Variants in LMBRD2 observed in about 807,000 individuals in gnomAD.
LMBRD2 encodes LMBR1 domain containing 2, also known as G protein-coupled receptor-associated protein LMBRD2.
In LMBRD2, 55 loss-of-function variants were observed where a neutral mutation model predicts 94.4. That is an observed-to-expected ratio of 0.58 (90% CI 0.47 to 0.73). LMBRD2 has a LOEUF of 0.73. Ranked by LOEUF, LMBRD2 falls within the 30% of genes least tolerant of loss-of-function variation. The pLI is 0.00. For missense variants in LMBRD2, 640 were observed against 831.9 expected (o/e 0.77, Z 2.84); for synonymous variants, 246 against 272.4 (o/e 0.90, Z 0.95).
intron 9 of LMBRD2, among the ~76,000 whole-genome samples, chr5:36,119,173 C>T (rs1031822350): frequency 2.0e-5 from 3 of 152,234 alleles, no homozygotes; most frequent in African/African-American, 2.4e-5. Context: ...AATGATTCCC[C>T]TTTCAATACC....
chr5:36,116,915 C>G (rs1743761686), intron 10 of LMBRD2, among the ~76,000 whole-genome samples: 1 of 151,998 alleles, frequency 6.6e-6, no homozygotes, highest in African/African-American at 2.4e-5. Context: ...ATCTCATGAT[C>G]CATTCGCCTT....
rs1561509281 is a variant in LMBRD2, at chr5:36,103,764, T to G, written c.*282A>C. The G allele has an allele frequency of 9.5e-6, 2 of 211,484 alleles. No homozygotes were observed. Among genetic ancestry groups the G allele is most frequent in the Non-Finnish European group, 1.9e-5 (2 of 105,298 alleles). 13.1% of individuals were successfully genotyped at this position (211,484 alleles called of 1,614,324 possible). A position where few individuals can be genotyped will look rare whatever the true frequency, so the allele number is the denominator to read the frequency against. On this transcript the variant is annotated 3_prime_UTR_variant, in exon 18 of 18. Transcript: ENST00000296603. ...AATCTGAAACAAACTGAACTGCATGTTCTTAACATATGTTGATCTTTCTTA... is the reference window on the plus strand; with the variant it reads ...AATCTGAAACAAACTGAACTGCATGGTCTTAACATATGTTGATCTTTCTTA...
rs1469909733 is a variant in LMBRD2 at position 36,114,511 on chromosome 5, G to C, written c.1553C>G (p.Ser518Cys). 6.5e-7 allele frequency: 1 copy of C among 1,550,110 alleles called. No homozygotes were observed. Residue 518 changes from serine to cysteine, a missense_variant, in exon 13 of 18, where the codon TCC (serine) becomes TGC (cysteine). Transcript: ENST00000296603. ...TGCAATAAAGGATAAAACTTTCATG[G>C]AACCCATAATCTGAAGAGCAAGAAA... Reference protein sequence around the residue: ...QPTAYTSIMGSMKVLSFIADG... With the variant: ...QPTAYTSIMGCMKVLSFIADG...
At chr5:36,138,059 C>T (rs1188553884) in intron 4 of LMBRD2, among the ~76,000 whole-genome samples, 3 of 152,042 alleles carry the variant, frequency 2.0e-5, no homozygotes, top group Admixed American at 2.0e-4. Context: ...AGGTAGAGAA[C>T]AGAAGGAGGG....
rs980042030 is a variant in LMBRD2 at position 36,102,207 on chromosome 5, A to T, written c.*1839T>A. The T allele has an allele frequency of 1.3e-5, 2 of 151,932 alleles. No homozygotes were observed. The highest frequency in any genetic ancestry group is 2.9e-5 in the Non-Finnish European group (2 of 67,840). 9.4% of individuals were successfully genotyped at this position (151,932 alleles called of 1,614,324 possible). A position where few individuals can be genotyped will look rare whatever the true frequency, so the allele number is the denominator to read the frequency against. On this transcript the variant is annotated 3_prime_UTR_variant, in exon 18 of 18. Transcript: ENST00000296603. ...ATACCTTCAAGTATCACTAGGAAAA[A>T]TAGCACAGTTATAAACTCCAGTACA...
Position 36,151,847 on chromosome 5 carries a change from G to A in LMBRD2, c.-349C>T. Reference sequence around the variant, plus strand: ...AGAAGGCCTGCGGGCTCCCGAGAAAGGAAAATCCGTCTACAGTCCAGCGGC... The same window carrying A: ...AGAAGGCCTGCGGGCTCCCGAGAAAAGAAAATCCGTCTACAGTCCAGCGGC... On this transcript the variant is annotated 5_prime_UTR_variant, in exon 1 of 18. Coordinates refer to ENST00000296603, the MANE Select transcript of LMBRD2 (RefSeq NM_001007527.2). This position sits in a 1 kb window ranked among gnomAD's most constrained non-coding sequence, Gnocchi z 4.7. 1 of 210,336 alleles carries A rather than the reference G, an allele frequency of 4.8e-6. No homozygotes were observed. The highest frequency in any genetic ancestry group is 7.3e-5 in the South Asian group (1 of 13,628). The allele number at this position is 210,336 out of a possible 1,614,324, so 13.0% of individuals were successfully genotyped here.
At chr5:36,107,955 G>A (rs972960366) in intron 16 of LMBRD2, among the ~76,000 whole-genome samples, 2 of 152,034 alleles carry the variant, frequency 1.3e-5, no homozygotes, top group African/African-American at 4.8e-5. Flanking sequence ...CAAGGTCCTA[G>A]GCAAAAACTG....
intron 16 of LMBRD2, among the ~76,000 whole-genome samples, chr5:36,106,509 G>GTTTTTT (rs70973085): frequency 1.7e-5 from 2 of 119,406 alleles, no homozygotes; most frequent in Non-Finnish European, 1.7e-5. Context: ...TTTTTCTTTC[G>GTTTTTT]TTTTTTTTTT....
intron 7 of LMBRD2, among the ~76,000 whole-genome samples, chr5:36,123,829 A>T (rs1210643605): frequency 1.3e-5 from 2 of 151,648 alleles, no homozygotes; most frequent in Non-Finnish European, 2.9e-5. Flanking sequence ...TTGTAAAATA[A>T]CGTGTAGGCA....
Position 36,151,867 on chromosome 5 carries a change from A to T in LMBRD2, c.-369T>A. The T allele has an allele frequency of 3.7e-6, 1 of 269,298 alleles. No individual in the cohort carries two copies. Among genetic ancestry groups the T allele is most frequent in the Non-Finnish European group, 7.2e-6 (1 of 138,148 alleles). 16.7% of individuals were successfully genotyped at this position (269,298 alleles called of 1,614,324 possible). On this transcript the variant is annotated 5_prime_UTR_variant, in exon 1 of 18. Transcript: ENST00000296603. The surrounding 1 kb of genome is among the most constrained non-coding windows in gnomAD (Gnocchi z 4.7). Reference sequence around the variant, plus strand: ...AGAAAGGAAAATCCGTCTACAGTCCAGCGGCTGACATTTCCCAGTCAGCCG... The same window carrying T: ...AGAAAGGAAAATCCGTCTACAGTCCTGCGGCTGACATTTCCCAGTCAGCCG...
intron 6 of LMBRD2, among the ~76,000 whole-genome samples, chr5:36,133,796 A>G (rs1423961291): frequency 1.3e-5 from 2 of 152,104 alleles, no homozygotes; most frequent in Non-Finnish European, 2.9e-5. Flanking sequence ...TCCACATCCT[A>G]TTTCTAAGCA....
intron 5 of LMBRD2, 27 bp from the exon 6 acceptor site, chr5:36,136,546 T>G (rs780944295): frequency 6.3e-7 from 1 of 1,582,296 alleles, no homozygotes; most frequent in South Asian, 1.1e-5. Context: ...ACAGATAATA[T>G]GTATATTTTA....
chr5:36,109,281 TG>T (rs1361233241), intron 15 of LMBRD2, among the ~76,000 whole-genome samples: 13 of 152,128 alleles, frequency 8.5e-5, no homozygotes, highest in African/African-American at 3.1e-4. Flanking sequence ...ATTGCAATTC[TG>T]GTAAATTGTG....
rs1581046467 is a variant in LMBRD2 at position 36,116,530 on chromosome 5, G to A, written c.1366C>T (p.Arg456Cys). 6.2e-7 allele frequency: 1 copy of A among 1,612,750 alleles called. No homozygotes were observed. The highest frequency in any genetic ancestry group is 8.5e-7 in the Non-Finnish European group (1 of 1,178,958). ...GCCAAATAATAATAGTTAAATACAC[G>A]AATCCTGAACACAGTAGAATAAACA... ...ICVYSTVFRI[R>C]VFNYYYLASH... The change falls in exon 11 of 18, where the codon CGT becomes TGT. Residue 456 changes from arginine to cysteine, a missense_variant. By Grantham distance (180) the Arg-to-Cys change is radical (BLOSUM62 -3). This residue lies in a region of LMBRD2 where 457 missense variants were observed against 642.8 expected (regional missense o/e 0.71). Transcript: ENST00000296603.
chr5:36,101,556 T>G lies in LMBRD2; in HGVS notation c.*2490A>C, dbSNP rs1485086648. ...TCTCAAAAGAGAAAACTTCTACCCATTACAGTTTTTTACACAGGGTGGCTT... is the reference window on the plus strand; with the variant it reads ...TCTCAAAAGAGAAAACTTCTACCCAGTACAGTTTTTTACACAGGGTGGCTT... On this transcript the variant is annotated 3_prime_UTR_variant, in exon 18 of 18. Transcript: ENST00000296603. The G allele has an allele frequency of 6.6e-6, 1 of 151,972 alleles. No homozygotes were observed. The highest frequency in any genetic ancestry group is 6.6e-5 in the Admixed American group (1 of 15,230). 9.4% of individuals were successfully genotyped at this position (151,972 alleles called of 1,614,324 possible).
intron 15 of LMBRD2, among the ~76,000 whole-genome samples, chr5:36,109,702 G>A (rs980317906): frequency 1.3e-5 from 2 of 151,990 alleles, no homozygotes; most frequent in Non-Finnish European, 2.9e-5. Context: ...ACCTACTTTA[G>A]CAAGAAGCTG....
chr5:36,124,583 A>G (rs959874032), intron 6 of LMBRD2, among the ~76,000 whole-genome samples: 1 of 152,196 alleles, frequency 6.6e-6, no homozygotes, highest in African/African-American at 2.4e-5. Flanking sequence ...AAGAATAGGG[A>G]TATGTTCCTC....
chr5:36,125,793 A>G (rs1314388976), intron 6 of LMBRD2, among the ~76,000 whole-genome samples: 1 of 152,206 alleles, frequency 6.6e-6, no homozygotes, highest in Non-Finnish European at 1.5e-5. Context: ...CTGCTGTCAA[A>G]GTATGAGGTG....
intron 6 of LMBRD2, among the ~76,000 whole-genome samples, chr5:36,134,680 T>A (rs1744227624): frequency 6.6e-6 from 1 of 152,084 alleles, no homozygotes; most frequent in South Asian, 2.1e-4. Flanking sequence ...GAACAGATTT[T>A]CCCTAGAACC....
Sources: allele counts gnomAD v4.1 joint callset (sites outside exome capture counted in the v4.1 genomes callset), GRCh38; gene constraint gnomAD v4.1.1; regional missense constraint gnomAD v4.1.1; non-coding constraint Gnocchi (gnomAD v3.1); transcripts MANE v1.5; gene names NCBI Gene and HGNC (gene_info 2026-07-23, HGNC 2026-07-21).